Variants in KIAA1549 observed in about 807,000 individuals in gnomAD.
KIAA1549 encodes the protein UPF0606 protein KIAA1549.
In KIAA1549, 70 loss-of-function variants were observed where a neutral mutation model predicts 156.4. The ratio of observed to expected loss-of-function variants is 0.45; its 90% CI spans 0.37 to 0.55. KIAA1549 has a LOEUF of 0.55. Among genes scored for constraint, KIAA1549 ranks in the 20% least tolerant of loss-of-function variants. The pLI, the probability that KIAA1549 is intolerant of heterozygous loss-of-function variation, is 0.00. For missense variants in KIAA1549, 2,428 were observed against 2,540.9 expected (o/e 0.96, Z 0.96); for synonymous variants, 1,103 against 1,066.4 (o/e 1.03, Z -0.67).
chr7:138,922,890 G>C (rs1049318301), intron 1 of KIAA1549, among the ~76,000 whole-genome samples: 1 of 151,948 alleles, frequency 6.6e-6, no homozygotes, highest in African/African-American at 2.4e-5. Flanking sequence ...CTAAGAATTT[G>C]CCAAAATTAA....
At chr7:138,879,352 C>T (rs1811175737) in intron 12 of KIAA1549, among the ~76,000 whole-genome samples, 186 bp downstream of exon 12, 1 of 152,164 alleles carries the variant, frequency 6.6e-6, no homozygotes. Context: ...GAATCCCTGG[C>T]CCCAAAGCAG....
chr7:138,888,440 G>A (rs995003659), intron 10 of KIAA1549, among the ~76,000 whole-genome samples: 1 of 152,166 alleles, frequency 6.6e-6, no homozygotes, highest in Non-Finnish European at 1.5e-5. Flanking sequence ...CTTGTTCACT[G>A]GTCCATGACC....
chr7:138,911,367 G>T, intron 3 of KIAA1549, 44 bp from the exon 4 acceptor site: 1 of 1,398,714 alleles, frequency 7.1e-7, no homozygotes, highest in Non-Finnish European at 9.7e-7. Flanking sequence ...CTTAAAGGAA[G>T]TTGTGTTACA....
In KIAA1549 at chr7:138,881,527, T is replaced by C. The variant is rs2130407111; in HGVS notation, c.4090A>G (p.Asn1364Asp). The C allele has an allele frequency of 6.2e-7, 1 of 1,614,032 alleles. No homozygotes were observed. Among genetic ancestry groups the C allele is most frequent in the Non-Finnish European group, 8.5e-7 (1 of 1,179,892 alleles). Residue 1364 changes from asparagine to aspartate, a missense_variant, in exon 11 of 20, where the codon AAT (asparagine) becomes GAT (aspartate). Physicochemically the swap from Asn to Asp is conservative, Grantham distance 23. Coordinates refer to ENST00000422774, the MANE Select transcript of KIAA1549 (RefSeq NM_001164665.2). ...DFAKQHLGQHNKDDILIIHEP... is the reference protein window; with the variant it reads ...DFAKQHLGQHDKDDILIIHEP... ...TGAATAATCAATATGTCGTCTTTAT[T>C]GTGCTGACCCAGATGCTGCTTAGCA...
At chr7:138,924,135 C>T (rs1173263876) in intron 1 of KIAA1549, among the ~76,000 whole-genome samples, 7 of 151,468 alleles carry the variant, frequency 4.6e-5, no homozygotes, top group South Asian at 2.1e-4. Context: ...AAAGAAAACA[C>T]GATACTTATT....
chr7:138,897,115 A>G (rs1024189161), intron 9 of KIAA1549, among the ~76,000 whole-genome samples: 2 of 152,168 alleles, frequency 1.3e-5, no homozygotes, highest in Admixed American at 6.5e-5. Flanking sequence ...AGGTGCCCAT[A>G]TTCTATTGCA....
rs758674277 is a variant in KIAA1549, at chr7:138,868,100, G to A, written c.4804C>T (p.Arg1602Cys). Residue 1602 changes from arginine (R) to cysteine (C), a missense_variant, in exon 15 of 20, where the codon CGC (arginine) becomes TGC (cysteine). Coordinates refer to ENST00000422774, the MANE Select transcript of KIAA1549 (RefSeq NM_001164665.2). ...CAGCCGTTGACCTGGTGTTTCCGGCGAGGCTTGGGAGAACGTTTTATCCGT... is the reference window on the plus strand; with the variant it reads ...CAGCCGTTGACCTGGTGTTTCCGGCAAGGCTTGGGAGAACGTTTTATCCGT... ...SSRIKRSPKP[R>C]RKHQVNGCPA... 8.1e-6 allele frequency: 13 copies of A among 1,613,542 alleles called. No individual in the cohort carries two copies. The highest frequency in any genetic ancestry group is 1.3e-5 in the African/African-American group (1 of 74,908).
At chr7:138,867,570 T>A (rs960445948) in intron 15 of KIAA1549, among the ~76,000 whole-genome samples, 3 of 148,036 alleles carry the variant, frequency 2.0e-5, no homozygotes, top group African/African-American at 5.1e-5. Flanking sequence ...AAAAAAATAA[T>A]AAAAATAAAC....
At chr7:138,902,049 G>T (rs1811858320) in intron 8 of KIAA1549, among the ~76,000 whole-genome samples, 1 of 152,206 alleles carries the variant, frequency 6.6e-6, no homozygotes, top group African/African-American at 2.4e-5. Context: ...GCCAGGGATT[G>T]TTGAATAAGG....
At chr7:138,975,702 T>G (rs1469145511) in intron 1 of KIAA1549, among the ~76,000 whole-genome samples, 1 of 152,174 alleles carries the variant, frequency 6.6e-6, no homozygotes, top group Non-Finnish European at 1.5e-5. Flanking sequence ...AGAAATCACA[T>G]CATTGTGAGC....
At position 138,881,223 on chromosome 7, in the gene KIAA1549, G is replaced by A. The variant is rs1040885964; in HGVS notation, c.4229+165C>T. Among the ~76,000 whole-genome samples, 33 of 152,052 alleles carry A rather than the reference G, an allele frequency of 2.2e-4. 1 individual carries two copies. Among genetic ancestry groups the A allele is most frequent in the Admixed American group, 1.4e-3 (22 of 15,294 alleles). Reference sequence around the variant, plus strand: ...CTTTGGCAGCCCGTGAGAGTGGCTCGGAAACACTCTTGGGCTCCTGTGTGA... The same window carrying A: ...CTTTGGCAGCCCGTGAGAGTGGCTCAGAAACACTCTTGGGCTCCTGTGTGA... On this transcript the variant is annotated intron_variant, in intron 11 of 19. Coordinates refer to ENST00000422774, the MANE Select transcript of KIAA1549 (RefSeq NM_001164665.2).
intron 15 of KIAA1549, among the ~76,000 whole-genome samples, chr7:138,862,057 T>C (rs10954633): frequency 1.3e-5 from 2 of 151,926 alleles, no homozygotes; most frequent in African/African-American, 4.8e-5. Flanking sequence ...CAGCCAAAAA[T>C]CATATTTCAA....
chr7:138,832,559 A>G lies in KIAA1549; in HGVS notation c.*5347T>C, dbSNP rs1300738212. On this transcript the variant is annotated 3_prime_UTR_variant, in exon 20 of 20. Coordinates refer to ENST00000422774, the MANE Select transcript of KIAA1549 (RefSeq NM_001164665.2). ...TGAAAAACCTGGAGGAAGAAGGAAA[A>G]GGAAGGATCCTGGATAATTATCTAC... The G allele has an allele frequency of 4.9e-6, 1 of 203,216 alleles. No homozygotes were observed. The highest frequency in any genetic ancestry group is 1.0e-5 in the Non-Finnish European group (1 of 98,890). 12.6% of individuals were successfully genotyped at this position (203,216 alleles called of 1,614,324 possible).
intron 1 of KIAA1549, among the ~76,000 whole-genome samples, chr7:138,953,436 A>G (rs931167834): frequency 2.2e-4 from 34 of 152,228 alleles, no homozygotes; most frequent in African/African-American, 7.7e-4. Context: ...AATAGGAAAA[A>G]GGAATGATAA....
intron 7 of KIAA1549, among the ~76,000 whole-genome samples, chr7:138,904,029 G>T (rs1218430912): frequency 6.6e-6 from 1 of 152,164 alleles, no homozygotes; most frequent in Non-Finnish European, 1.5e-5. Flanking sequence ...GCGGCCAGAA[G>T]TCCCAGGAAC....
At chr7:138,927,339 G>A (rs1265627272) in intron 1 of KIAA1549, among the ~76,000 whole-genome samples, 3 of 152,112 alleles carry the variant, frequency 2.0e-5, no homozygotes, top group Non-Finnish European at 2.9e-5. Context: ...GTATATATGT[G>A]TATGCATAAG....
Position 138,842,548 on chromosome 7 carries a change from G to A in KIAA1549, c.5452+1769C>T, listed in dbSNP as rs374868295. The stretch of plus-strand genomic sequence containing the variant: ...CCAAAAATACAAAAATTAGCCGGAC[G>A]CAGTGGCGGGCACCTGTAATCCTAA... On this transcript the variant is annotated intron_variant, in intron 18 of 19. Coordinates refer to ENST00000422774, the MANE Select transcript of KIAA1549 (RefSeq NM_001164665.2). Among the ~76,000 whole-genome samples, 81 of 152,246 alleles carry A rather than the reference G, an allele frequency of 5.3e-4. No individual in the cohort carries two copies. The East Asian group carries it at 0.012, about 22-fold the overall frequency.
At chr7:138,944,431 T>C (rs924624378) in intron 1 of KIAA1549, among the ~76,000 whole-genome samples, 2 of 151,886 alleles carry the variant, frequency 1.3e-5, no homozygotes, top group African/African-American at 4.8e-5. Flanking sequence ...ATAGAGAAAT[T>C]GGAACCCTTA....
At chr7:138,852,341 A>C in intron 16 of KIAA1549, 72 bp from the exon 17 acceptor site, 1 of 1,031,056 alleles carries the variant, frequency 9.7e-7, no homozygotes, top group Non-Finnish European at 1.4e-6. Flanking sequence ...GCAAACTTAT[A>C]AATTCAGCTT....
Sources: allele counts gnomAD v4.1 joint callset (sites outside exome capture counted in the v4.1 genomes callset), GRCh38; gene constraint gnomAD v4.1.1; transcripts MANE v1.5; gene names NCBI Gene and HGNC (gene_info 2026-07-23, HGNC 2026-07-21).